The following KIRREL3 variants were observed in gnomAD, a reference collection of about 807,000 sequenced individuals.
The protein encoded by KIRREL3 is kin of IRRE-like protein 3.
In KIRREL3, 36 loss-of-function variants were observed where a neutral mutation model predicts 89.7. That is an observed-to-expected ratio of 0.40 (90% CI 0.31 to 0.53). The LOEUF is 0.53. Among genes scored for constraint, KIRREL3 ranks in the 20% least tolerant of loss-of-function variants. The probability of loss-of-function intolerance (pLI) is 0.49; values close to 1 mark genes in which losing one functional copy is unlikely to be tolerated. For missense variants in KIRREL3, 864 were observed against 1,056.6 expected, an observed-to-expected ratio of 0.82 and a Z score of 2.53; for synonymous variants, 445 against 441.4, an observed-to-expected ratio of 1.01 and a Z score of -0.10.
At chr11:126,859,879 G>A (rs1944651428) in intron 1 of KIRREL3, among the ~76,000 whole-genome samples, 1 of 152,050 alleles carries the variant, frequency 6.6e-6, no homozygotes. Flanking sequence ...TTTGGCCATG[G>A]CAACATATCA....
chr11:126,433,955 G>A (rs1415844793), intron 13 of KIRREL3, among the ~76,000 whole-genome samples: 1 of 152,218 alleles, frequency 6.6e-6, no homozygotes, highest in Non-Finnish European at 1.5e-5. Flanking sequence ...CCCAGCCCAC[G>A]TTTCCACACG....
At chr11:126,798,738 A>G (rs554061616) in intron 1 of KIRREL3, among the ~76,000 whole-genome samples, 1 of 152,258 alleles carries the variant, frequency 6.6e-6, no homozygotes, top group Admixed American at 6.5e-5. Flanking sequence ...AGCATAGGGG[A>G]TATCCTTAGA....
chr11:126,573,100 C>T lies in KIRREL3; in HGVS notation c.56-10188G>A, dbSNP rs867175471. Among the ~76,000 whole-genome samples, 38 of 152,246 alleles carry T rather than the reference C, an allele frequency of 2.5e-4. No individual in the cohort carries two copies. In the Middle Eastern group the frequency reaches 0.024, roughly 95 times the overall value. On this transcript the variant is annotated intron_variant, in intron 1 of 16. Transcript: ENST00000525144. The stretch of plus-strand genomic sequence containing the variant: ...GCTAAGGTCCAGTGGGCTGGGAATG[C>T]CCCCTCCACATTCTGGGTGGAAAAG...
At chr11:126,774,248 C>G (rs1950105898) in intron 1 of KIRREL3, among the ~76,000 whole-genome samples, 1 of 148,622 alleles carries the variant, frequency 6.7e-6, no homozygotes, top group Admixed American at 6.8e-5. Context: ...AAACCTAACT[C>G]TAACCCTGCA....
At position 126,627,670 on chromosome 11, in the gene KIRREL3, T is replaced by C. The variant is rs1347662266; in HGVS notation, c.56-64758A>G. ...CCTCAAGCAGCTGTCACTGGGACCC[T>C]GCGTGGGGCCTGCTGCCTCATTAGC... On this transcript the variant is annotated intron_variant, in intron 1 of 16. Coordinates refer to ENST00000525144, the MANE Select transcript of KIRREL3 (RefSeq NM_032531.4). The surrounding 1 kb of genome is among the most constrained non-coding windows in gnomAD (Gnocchi z 5.0). Among the ~76,000 whole-genome samples, 4 of 152,220 alleles carry C rather than the reference T, an allele frequency of 2.6e-5. No individual in the cohort carries two copies. The highest frequency in any genetic ancestry group is 4.4e-5 in the Non-Finnish European group (3 of 68,042).
intron 10 of KIRREL3, among the ~76,000 whole-genome samples, chr11:126,444,281 C>A (rs1165080791): frequency 1.3e-5 from 2 of 152,236 alleles, no homozygotes. Context: ...GGCTCCCTGG[C>A]TGGGTGACTC....
chr11:126,667,411 G>A (rs1352469351), intron 1 of KIRREL3, among the ~76,000 whole-genome samples: 1 of 152,232 alleles, frequency 6.6e-6, no homozygotes, highest in Non-Finnish European at 1.5e-5. Context: ...GCACATAGGT[G>A]TAGTCTATGA....
chr11:126,774,620 C>T (rs142692146), intron 1 of KIRREL3, among the ~76,000 whole-genome samples: 113 of 152,286 alleles, frequency 7.4e-4, no homozygotes, highest in African/African-American at 2.6e-3. Flanking sequence ...CACCCAAACG[C>T]TGCATTTACA....
intron 5 of KIRREL3, among the ~76,000 whole-genome samples, chr11:126,467,638 T>G (rs1406113173): frequency 1.4e-5 from 2 of 145,766 alleles, no homozygotes; most frequent in African/African-American, 5.7e-5. Flanking sequence ...CCTTTTTTTT[T>G]TTTTTTAAAA....
chr11:126,798,337 G>C (rs1195562046), intron 1 of KIRREL3, among the ~76,000 whole-genome samples: 1 of 148,556 alleles, frequency 6.7e-6, no homozygotes, highest in Non-Finnish European at 1.5e-5. Flanking sequence ...CTAACCTGCT[G>C]GCTGATGTTC....
chr11:126,577,619 G>T (rs1941325242), intron 1 of KIRREL3, among the ~76,000 whole-genome samples: 1 of 150,594 alleles, frequency 6.6e-6, no homozygotes, highest in African/African-American at 2.4e-5. Flanking sequence ...AAGATTAGCG[G>T]GGCGTGGTGG....
chr11:126,746,525 G>A (rs550822868), intron 1 of KIRREL3, among the ~76,000 whole-genome samples: 13 of 152,138 alleles, frequency 8.5e-5, no homozygotes, highest in East Asian at 3.9e-4. Flanking sequence ...CATATGCTGC[G>A]GATACATCAG....
At position 126,557,389 on chromosome 11, in the gene KIRREL3, G is replaced by A. The variant is rs1316433087; in HGVS notation, c.133+5446C>T. Among the ~76,000 whole-genome samples, 2 of 152,236 alleles carry A rather than the reference G, an allele frequency of 1.3e-5. No homozygotes were observed. The highest frequency in any genetic ancestry group is 3.9e-4 in the East Asian group (2 of 5,192). On this transcript the variant is annotated intron_variant, in intron 2 of 16. Coordinates refer to ENST00000525144, the MANE Select transcript of KIRREL3 (RefSeq NM_032531.4). This position sits in a 1 kb window ranked among gnomAD's most constrained non-coding sequence, Gnocchi z 5.6. ...GACATTTAAAATTATGGGATGGGCTGTGAGAACAGGGTGTGGGCTGGGTGT... is the reference window on the plus strand; with the variant it reads ...GACATTTAAAATTATGGGATGGGCTATGAGAACAGGGTGTGGGCTGGGTGT...
chr11:126,432,315 G>C lies in KIRREL3; in HGVS notation c.1589-789C>G, dbSNP rs1019835790. Reference sequence around the variant, plus strand: ...GGCCTGTCTCCTGCCCAAGCCGAGTGGGGGTAGGGACAGGGAGGGTAAGGA... The same window carrying C: ...GGCCTGTCTCCTGCCCAAGCCGAGTCGGGGTAGGGACAGGGAGGGTAAGGA... On this transcript the variant is annotated intron_variant, in intron 13 of 16. Transcript: ENST00000525144. This position sits in a 1 kb window ranked among gnomAD's most constrained non-coding sequence, Gnocchi z 6.2. Among the ~76,000 whole-genome samples the C allele has an allele frequency of 2.0e-5, 3 of 152,180 alleles. No homozygotes were observed. Among genetic ancestry groups the C allele is most frequent in the East Asian group, 1.9e-4 (1 of 5,194 alleles).
intron 1 of KIRREL3, among the ~76,000 whole-genome samples, chr11:126,746,012 T>A (rs998745194): frequency 2.0e-5 from 3 of 152,196 alleles, no homozygotes; most frequent in Non-Finnish European, 4.4e-5. Context: ...TTTGTGTCTC[T>A]CTTTCCTCCT....
chr11:126,850,982 G>A (rs1415698200), intron 1 of KIRREL3, among the ~76,000 whole-genome samples: 1 of 152,246 alleles, frequency 6.6e-6, no homozygotes, highest in Non-Finnish European at 1.5e-5. Flanking sequence ...GTAAGAGGCA[G>A]AGCAGCACTA....
intron 4 of KIRREL3, among the ~76,000 whole-genome samples, chr11:126,480,564 T>C (rs1026005776): frequency 6.6e-6 from 1 of 152,186 alleles, no homozygotes; most frequent in African/African-American, 2.4e-5. Flanking sequence ...ACATGTTCTG[T>C]TGGAGTTAGA....
chr11:126,652,960 A>T lies in KIRREL3; in HGVS notation c.56-90048T>A, dbSNP rs188652614. The T allele has an allele frequency of 2.0e-5, 3 of 152,308 alleles. No homozygotes were observed. The highest frequency in any genetic ancestry group is 4.8e-5 in the African/African-American group (2 of 41,554). 9.4% of individuals were successfully genotyped at this position (152,308 alleles called of 1,614,324 possible). ...ACATCAGTTTAATTTATATTTGATT[A>T]AAAAAGTCATTCATTCATGCATTCA... On this transcript the variant is annotated intron_variant, in intron 1 of 16. Coordinates refer to ENST00000525144, the MANE Select transcript of KIRREL3 (RefSeq NM_032531.4). This position sits in a 1 kb window ranked among gnomAD's most constrained non-coding sequence, Gnocchi z 4.9.
At chr11:126,500,928 T>C (rs7927708) in intron 4 of KIRREL3, among the ~76,000 whole-genome samples, 126,980 of 152,162 alleles carry the variant, frequency 0.83, 54,701 homozygotes, top group African/African-American at 0.96. Context: ...CACAGCTTCT[T>C]GAATGGCTGC....
Sources: allele counts gnomAD v4.1 joint callset (sites outside exome capture counted in the v4.1 genomes callset), GRCh38; gene constraint gnomAD v4.1.1; non-coding constraint Gnocchi (gnomAD v3.1); transcripts MANE v1.5; gene names NCBI Gene and HGNC (gene_info 2026-07-23, HGNC 2026-07-21).